RABGEF1: variants seen among roughly 807,000 people sequenced by gnomAD.
The protein encoded by RABGEF1 is RAB guanine nucleotide exchange factor 1.
A neutral mutation model predicts 57.3 loss-of-function variants in RABGEF1; 26 were observed. That is an observed-to-expected ratio of 0.45 (90% CI 0.33 to 0.63). RABGEF1 has a LOEUF of 0.63. RABGEF1 is among the 20% of genes least tolerant of loss of function. The pLI, the probability that RABGEF1 is intolerant of heterozygous loss-of-function variation, is 0.02. For missense variants in RABGEF1, 464 were observed against 607.6 expected (o/e 0.76, Z 2.48); for synonymous variants, 185 against 210.7 (o/e 0.88, Z 1.06).
chr7:66,658,244 G>A, the RABGEF1 span, among the ~76,000 whole-genome samples: 3 of 152,106 alleles, frequency 2.0e-5, no homozygotes, highest in East Asian at 3.9e-4. Flanking sequence ...AAAAATATGG[G>A]TAAACCAACC....
intron 1 of RABGEF1, among the ~76,000 whole-genome samples, chr7:66,683,985 C>G (rs1177527966): frequency 6.6e-6 from 1 of 152,174 alleles, no homozygotes; most frequent in African/African-American, 2.4e-5. Context: ...AAGCCATTCT[C>G]CCGCCTCAAG....
chr7:66,783,166 G>A (rs1167733281), intron 3 of RABGEF1, among the ~76,000 whole-genome samples: 3 of 152,188 alleles, frequency 2.0e-5, no homozygotes, highest in African/African-American at 7.2e-5. Context: ...ACTCACCAAC[G>A]AAATGGTGGG....
chr7:66,761,317 A>G (rs1365930829), intron 1 of RABGEF1, among the ~76,000 whole-genome samples: 1 of 152,216 alleles, frequency 6.6e-6, no homozygotes, highest in Non-Finnish European at 1.5e-5. Context: ...CTGGGCCTCC[A>G]GAAGTTCTAA....
chr7:66,727,461 C>A (rs1176214035), intron 2 of RABGEF1, among the ~76,000 whole-genome samples: 1 of 152,258 alleles, frequency 6.6e-6, no homozygotes, highest in African/African-American at 2.4e-5. Flanking sequence ...GACCTTTCAG[C>A]ATTCTGCTCC....
At chr7:66,676,330 G>A in the RABGEF1 span, among the ~76,000 whole-genome samples, 4 of 151,900 alleles carry the variant, frequency 2.6e-5, no homozygotes, top group Admixed American at 6.6e-5. Flanking sequence ...ATCATCTGTC[G>A]GTATACACAG....
chr7:66,741,478 T>C (rs1262452579), intron 1 of RABGEF1, among the ~76,000 whole-genome samples: 1 of 152,140 alleles, frequency 6.6e-6, no homozygotes, highest in African/African-American at 2.4e-5. Context: ...AGGGAGGGAC[T>C]CTGCCGCTTT....
chr7:66,670,820 T>G, the RABGEF1 span, among the ~76,000 whole-genome samples: 1 of 151,948 alleles, frequency 6.6e-6, no homozygotes. Flanking sequence ...CACTCCAGCC[T>G]GGGTGATAGA....
At chr7:66,747,257 A>G (rs1406332279) in intron 1 of RABGEF1, among the ~76,000 whole-genome samples, 2 of 152,186 alleles carry the variant, frequency 1.3e-5, no homozygotes, top group African/African-American at 2.4e-5. Flanking sequence ...ACACTGAGAG[A>G]GTATTAAGCT....
chr7:66,691,246 C>T (rs774116278), intron 1 of RABGEF1, among the ~76,000 whole-genome samples: 1 of 152,104 alleles, frequency 6.6e-6, no homozygotes, highest in Non-Finnish European at 1.5e-5. Flanking sequence ...CCTCCCATAC[C>T]GTACATAATT....
chr7:66,703,198 C>T (rs1793548687), intron 1 of RABGEF1, among the ~76,000 whole-genome samples: 1 of 152,178 alleles, frequency 6.6e-6, no homozygotes, highest in South Asian at 2.1e-4. Flanking sequence ...ATGGTCTCAT[C>T]TCCTGACCTC....
chr7:66,747,234 C>T (rs537473173), intron 1 of RABGEF1, among the ~76,000 whole-genome samples: 129 of 152,254 alleles, frequency 8.5e-4, no homozygotes, highest in African/African-American at 3.0e-3. Flanking sequence ...TTCATGAATG[C>T]GTAAAATATT....
At chr7:66,765,606 A>C (rs777959279) in intron 1 of RABGEF1, among the ~76,000 whole-genome samples, 1 of 152,174 alleles carries the variant, frequency 6.6e-6, no homozygotes, top group African/African-American at 2.4e-5. Context: ...AGGACCTTCT[A>C]CTTTTCTCTG....
chr7:66,735,897 G>C (rs969867688), upstream of RABGEF1, among the ~76,000 whole-genome samples: 1 of 152,182 alleles, frequency 6.6e-6, no homozygotes, highest in Non-Finnish European at 1.5e-5. Context: ...ACAGAGGCCT[G>C]TAGTATCTCC....
rs137921826 is a variant in RABGEF1, at chr7:66,783,734, G to C, written c.406G>C (p.Asp136His). The change falls in exon 4 of 9, where the codon GAT (aspartate) becomes CAT (histidine). Residue 136 changes from aspartate (D) to histidine (H), a missense_variant. Asp to His is a moderately conservative substitution (Grantham distance 81). Around this residue, in one of 4 missense-constraint regions of RABGEF1, gnomAD observed 284 missense variants for 389.9 expected, o/e 0.73. Coordinates refer to ENST00000284957, the MANE Select transcript of RABGEF1 (RefSeq NM_014504.3). ...SINRQTSIET[D>H]RVSKEFIEFL... is the part of the protein sequence containing the mutation. ...AAACCGGCAAACCAGCATTGAAACG[G>C]ATAGAGTGTCTAAGGAGTTCATAGA... 6 of 1,613,268 alleles carry C rather than the reference G, an allele frequency of 3.7e-6. No homozygotes were observed. Among genetic ancestry groups the C allele is most frequent in the Non-Finnish European group, 5.1e-6 (6 of 1,179,494 alleles).
upstream of RABGEF1, among the ~76,000 whole-genome samples, chr7:66,679,825 T>C (rs374358003): frequency 3.3e-5 from 5 of 152,286 alleles, no homozygotes; most frequent in East Asian, 7.7e-4. Flanking sequence ...AGTCCAGGAC[T>C]TCGAGACCAG....
chr7:66,797,826 C>T (rs1194197711), intron 6 of RABGEF1, among the ~76,000 whole-genome samples: 3 of 152,152 alleles, frequency 2.0e-5, no homozygotes, highest in African/African-American at 2.4e-5. Flanking sequence ...CTGTGAATAT[C>T]GGTATCAAGG....
Position 66,779,086 on chromosome 7 carries a change from G to A in RABGEF1, c.346+3693G>A, listed in dbSNP as rs147509165. Among the ~76,000 whole-genome samples, 182 of 152,014 alleles carry A rather than the reference G, an allele frequency of 1.2e-3. 1 individual carries two copies. The highest frequency in any genetic ancestry group is 2.8e-3 in the Admixed American group (43 of 15,272). ...GCTGAGATCGTGCCACTCCAGCCTG[G>A]GCAACAAAGTGAGACTCCGTCTTAA... On this transcript the variant is annotated intron_variant, in intron 3 of 8. Coordinates refer to ENST00000284957, the MANE Select transcript of RABGEF1 (RefSeq NM_014504.3).
upstream of RABGEF1, among the ~76,000 whole-genome samples, chr7:66,739,235 C>T (rs1357223640): frequency 6.6e-6 from 1 of 151,886 alleles, no homozygotes; most frequent in Non-Finnish European, 1.5e-5. Flanking sequence ...CAGGCGTGAG[C>T]CACTGCGCCT....
chr7:66,754,414 G>A (rs1227603219), intron 1 of RABGEF1, among the ~76,000 whole-genome samples: 1 of 149,988 alleles, frequency 6.7e-6, no homozygotes, highest in Non-Finnish European at 1.5e-5. Flanking sequence ...ATATCTTTCA[G>A]CACTGTCAGG....
Sources: gnomAD v4.1 joint callset for allele counts (sites outside exome capture counted in the v4.1 genomes callset) on GRCh38, gnomAD v4.1.1 for gene constraint, gnomAD v4.1.1 regional missense constraint, MANE v1.5 for transcripts, NCBI Gene and HGNC (gene_info 2026-07-23, HGNC 2026-07-21) for gene names.